PSMD2: variants seen among roughly 807,000 people sequenced by gnomAD.
PSMD2 encodes the protein proteasome 26S subunit ubiquitin receptor, non-ATPase 2.
PSMD2 carries 8 observed loss-of-function variants against 101.5 expected under a neutral mutation model. That is an observed-to-expected ratio of 0.08 (90% CI 0.05 to 0.14). PSMD2 has a LOEUF of 0.14. Among genes scored for constraint, PSMD2 ranks in the 10% least tolerant of loss-of-function variants. The pLI, the probability that PSMD2 is intolerant of heterozygous loss-of-function variation, is 1.00. For missense variants in PSMD2, 784 were observed against 1,147.4 expected, an observed-to-expected ratio of 0.68 and a Z score of 4.58; for synonymous variants, 418 against 433.8, an observed-to-expected ratio of 0.96 and a Z score of 0.45.
chr3:184,301,755 G>T, intron 4 of PSMD2, 92 bp from the exon 5 acceptor site: 2 of 1,608,452 alleles, frequency 1.2e-6, no homozygotes, highest in Non-Finnish European at 1.7e-6. Flanking sequence ...GAGCATCAGT[G>T]TATTGAATTT....
At position 184,301,534 on chromosome 3, in the gene PSMD2, T is replaced by C. The variant is rs1577155722; in HGVS notation, c.358-3T>C. On this transcript the variant is annotated splice_region_variant and splice_polypyrimidine_tract_variant and intron_variant, in intron 3 of 20. Coordinates refer to ENST00000310118, the MANE Select transcript of PSMD2 (RefSeq NM_002808.5). ...TGACTTCAAAGAACTCTTTTCTTTA[T>C]AGCGTTTTGCTGCTGACATCATCTC... 8.1e-6 allele frequency: 13 copies of C among 1,613,504 alleles called. No individual in the cohort carries two copies. The East Asian group carries it at 2.9e-4, about 36-fold the overall frequency.
rs375681733 is a variant in PSMD2 at position 184,303,797 on chromosome 3, C to G, written c.1323+48C>G. ...CATGGGGACTTCCCCGTTCCATATTCTAGTGCCTAGCAGTGCCTCTCTTTC... is the reference window on the plus strand; with the variant it reads ...CATGGGGACTTCCCCGTTCCATATTGTAGTGCCTAGCAGTGCCTCTCTTTC... On this transcript the variant is annotated intron_variant, in intron 10 of 20. Coordinates refer to ENST00000310118, the MANE Select transcript of PSMD2 (RefSeq NM_002808.5). The G allele has an allele frequency of 8.7e-6, 14 of 1,605,110 alleles. No homozygotes were observed. The African/African-American group carries it at 1.7e-4, about 20-fold the overall frequency.
intron 3 of PSMD2, chr3:184,300,721 C>A: frequency 9.7e-7 from 1 of 1,030,432 alleles, no homozygotes; most frequent in Non-Finnish European, 1.2e-6. Flanking sequence ...TTTCTTCTAT[C>A]CCATATACAT....
At chr3:184,300,499 G>A (rs2108440281) in intron 3 of PSMD2, 55 bp downstream of exon 3, 2 of 1,577,194 alleles carry the variant, frequency 1.3e-6, no homozygotes, top group Middle Eastern at 1.7e-4. Flanking sequence ...TTTTTACCCA[G>A]ATCATGGGGG....
rs191485660 is a variant in PSMD2, at chr3:184,308,354, C to T, written c.2426-95C>T. 44 of 1,013,310 alleles carry T rather than the reference C, an allele frequency of 4.3e-5. No individual in the cohort carries two copies. Among genetic ancestry groups the T allele is most frequent in the South Asian group, 7.7e-5 (5 of 65,352 alleles). 62.8% of individuals were successfully genotyped at this position (1,013,310 alleles called of 1,614,324 possible). A position where few individuals can be genotyped will look rare whatever the true frequency, so the allele number is the denominator to read the frequency against. ...AGTGTGGATTCAGTCGTATGACTGA[C>T]GGGTTAAAGGGTCAGCGCTGAGGTG... is the stretch of plus-strand genomic sequence containing the variant. On this transcript the variant is annotated intron_variant, in intron 19 of 20. Coordinates refer to ENST00000310118, the MANE Select transcript of PSMD2 (RefSeq NM_002808.5). The surrounding 1 kb of genome is among the most constrained non-coding windows in gnomAD (Gnocchi z 6.0).
At position 184,306,430 on chromosome 3, in the gene PSMD2, A is replaced by AAAG; in HGVS notation, c.1887_1889dup (p.Lys629_Asp630insGlu). On this transcript the variant is annotated inframe_insertion, in exon 15 of 21. Coordinates refer to ENST00000310118, the MANE Select transcript of PSMD2 (RefSeq NM_002808.5). ...TGACTCCAAAGAGAAGGAGGAAGAC[A>AAAG]AAGACAAGAAGGAAAAGAAAGACAA... 2 of 1,614,224 alleles carry AAAG rather than the reference A, an allele frequency of 1.2e-6. No individual in the cohort carries two copies. The highest frequency in any genetic ancestry group is 1.7e-6 in the Non-Finnish European group (2 of 1,180,050).
In PSMD2 at chr3:184,300,631, G is replaced by A. The variant is rs1233789615; in HGVS notation, c.357+187G>A. ...GAAGGTCAGCTTCTCAGAAGACACT[G>A]TTTCTGTCATGTGTATTGGACTTTG... On this transcript the variant is annotated intron_variant, in intron 3 of 20. Transcript: ENST00000310118. The A allele has an allele frequency of 2.0e-5, 28 of 1,398,494 alleles. No homozygotes were observed. In the East Asian group the frequency reaches 7.1e-4, roughly 36 times the overall value. 86.6% of individuals were successfully genotyped at this position (1,398,494 alleles called of 1,614,324 possible).
chr3:184,303,880 C>T, intron 10 of PSMD2, 67 bp from the exon 11 acceptor site: 3 of 1,611,618 alleles, frequency 1.9e-6, no homozygotes, highest in Non-Finnish European at 2.5e-6. Context: ...CAGTGAGGCC[C>T]ATGTTGCATC....
chr3:184,300,179 C>T, intron 2 of PSMD2, 101 bp from the exon 3 acceptor site: 2 of 1,237,480 alleles, frequency 1.6e-6, no homozygotes, highest in Non-Finnish European at 2.3e-6. Flanking sequence ...ATGAATAAGA[C>T]ACAGCATTTC....
chr3:184,304,260 T>C lies in PSMD2; in HGVS notation c.1452-44T>C. On this transcript the variant is annotated intron_variant, in intron 11 of 20. Transcript: ENST00000310118. The surrounding 1 kb of genome is among the most constrained non-coding windows in gnomAD (Gnocchi z 4.1). ...CTCCTTTTGTTCTTTTCTTGCTGCATCGTTGGGTATGTGTTGGGGACCGCC... is the reference window on the plus strand; with the variant it reads ...CTCCTTTTGTTCTTTTCTTGCTGCACCGTTGGGTATGTGTTGGGGACCGCC... The C allele has an allele frequency of 6.3e-7, 1 of 1,588,040 alleles. No homozygotes were observed. The highest frequency in any genetic ancestry group is 1.1e-5 in the South Asian group (1 of 90,578).
Position 184,301,906 on chromosome 3 carries a change from A to G in PSMD2, c.539A>G (p.Gln180Arg). 5 of 1,614,248 alleles carry G rather than the reference A, an allele frequency of 3.1e-6. No individual in the cohort carries two copies. Among genetic ancestry groups the G allele is most frequent in the Non-Finnish European group, 4.2e-6 (5 of 1,180,044 alleles). ...GAGCTGGATGACGCAGAGAAGGTCC[A>G]GCGGGAGCCTCTGCTCACTCTGGTG... ...WQELDDAEKV[Q>R]REPLLTLVKE... The change falls in exon 5 of 21, where the codon CAG (glutamine) becomes CGG (arginine). Residue 180 changes from glutamine (Q) to arginine (R), a missense_variant. By Grantham distance (43) the Gln-to-Arg change is conservative. Transcript: ENST00000310118.
In PSMD2 at chr3:184,302,435, G is replaced by A. The variant is rs1478479897; in HGVS notation, c.770G>A (p.Arg257Gln). 8 of 1,614,068 alleles carry A rather than the reference G, an allele frequency of 5.0e-6. No homozygotes were observed. The highest frequency in any genetic ancestry group is 1.3e-5 in the African/African-American group (1 of 74,920). The change falls in exon 6 of 21, where the codon CGA (arginine) becomes CAA (glutamine). Residue 257 changes from arginine to glutamine, a missense_variant. Transcript: ENST00000310118. ...ALLRCALGVF[R>Q]KFSRFPEALR... ...CTGCGTTGTGCCCTGGGTGTGTTCC[G>A]AAAGTTTAGCCGCTTCCCTGAAGCT...
chr3:184,303,700 G>C lies in PSMD2; in HGVS notation c.1274G>C (p.Gly425Ala). ...GMILLWDVDG[G>A]LTQIDKYLYS... ...ATTCTGCTGTGGGATGTGGATGGTGGCCTCACCCAGATTGACAAGTACCTG... is the reference window on the plus strand; with the variant it reads ...ATTCTGCTGTGGGATGTGGATGGTGCCCTCACCCAGATTGACAAGTACCTG... Residue 425 changes from glycine (G) to alanine (A), a missense_variant, in exon 10 of 21, where the codon GGC becomes GCC. Around this residue, in one of 6 missense-constraint regions of PSMD2, gnomAD observed 37 missense variants for 107.0 expected, o/e 0.35. Transcript: ENST00000310118. 1 of 1,614,196 alleles carries C rather than the reference G, an allele frequency of 6.2e-7. No homozygotes were observed. Among genetic ancestry groups the C allele is most frequent in the Non-Finnish European group, 8.5e-7 (1 of 1,180,030 alleles).
At position 184,307,659 on chromosome 3, in the gene PSMD2, A is replaced by G; in HGVS notation, c.2249A>G (p.Gln750Arg). Residue 750 changes from glutamine (Q) to arginine (R), a missense_variant, in exon 18 of 21, where the codon CAA becomes CGA. Around this residue, in one of 6 missense-constraint regions of PSMD2, gnomAD observed 282 missense variants for 437.6 expected, o/e 0.64. Transcript: ENST00000310118. ...GCTGCAATGCTGCGCCAGTTAGCTC[A>G]ATATCATGCCAAGGACCCAAACAAC... ...RLAAMLRQLA[Q>R]YHAKDPNNLF... 6.2e-7 allele frequency: 1 copy of G among 1,614,154 alleles called. No individual in the cohort carries two copies. Among genetic ancestry groups the G allele is most frequent in the Non-Finnish European group, 8.5e-7 (1 of 1,180,024 alleles).
intron 12 of PSMD2, among the ~76,000 whole-genome samples, chr3:184,305,484 T>A (rs1721800274): frequency 8.5e-6 from 1 of 118,060 alleles, no homozygotes. Context: ...CGAGACTCTG[T>A]CTCAAAAAAA....
In PSMD2 at chr3:184,308,134, T is replaced by C. The variant is rs1481909578; in HGVS notation, c.2425+118T>C. On this transcript the variant is annotated intron_variant, in intron 19 of 20. Transcript: ENST00000310118. This position sits in a 1 kb window ranked among gnomAD's most constrained non-coding sequence, Gnocchi z 6.0. ...AGTTTAGCTCTGTATCGCTCTAGGTTTCTGAGACAGGCTTTGGGCCTGTGA... is the reference window on the plus strand; with the variant it reads ...AGTTTAGCTCTGTATCGCTCTAGGTCTCTGAGACAGGCTTTGGGCCTGTGA... 7.5e-7 allele frequency: 1 copy of C among 1,341,580 alleles called. No homozygotes were observed. The highest frequency in any genetic ancestry group is 1.0e-6 in the Non-Finnish European group (1 of 991,452). 83.1% of individuals were successfully genotyped at this position (1,341,580 alleles called of 1,614,324 possible). A position where few individuals can be genotyped will look rare whatever the true frequency, so the allele number is the denominator to read the frequency against.
chr3:184,303,606 G>A (rs767136884), intron 9 of PSMD2, 37 bp from the exon 10 acceptor site: 1 of 1,612,924 alleles, frequency 6.2e-7, no homozygotes, highest in Non-Finnish European at 8.5e-7. Flanking sequence ...CTCAGGATAG[G>A]GCCATTTTAA....
rs1249783463 is a variant in PSMD2, at chr3:184,303,477, G to C, written c.1216+11G>C. ...AGAACAAGGACCACGGTATAATTCT[G>C]TTCCTGCTTTGTCTTTTGTTTTGCT... On this transcript the variant is annotated intron_variant, in intron 9 of 20. Transcript: ENST00000310118. The C allele has an allele frequency of 5.6e-6, 9 of 1,612,686 alleles. No individual in the cohort carries two copies. The highest frequency in any genetic ancestry group is 7.6e-6 in the Non-Finnish European group (9 of 1,179,370).
At position 184,304,261 on chromosome 3, in the gene PSMD2, C is replaced by T. The variant is rs1007471586; in HGVS notation, c.1452-43C>T. The T allele has an allele frequency of 7.6e-6, 12 of 1,587,830 alleles. No homozygotes were observed. Among genetic ancestry groups the T allele is most frequent in the Admixed American group, 1.7e-5 (1 of 59,974 alleles). On this transcript the variant is annotated intron_variant, in intron 11 of 20. Coordinates refer to ENST00000310118, the MANE Select transcript of PSMD2 (RefSeq NM_002808.5). The surrounding 1 kb of genome is among the most constrained non-coding windows in gnomAD (Gnocchi z 4.1). ...TCCTTTTGTTCTTTTCTTGCTGCAT[C>T]GTTGGGTATGTGTTGGGGACCGCCT...
Sources: gnomAD v4.1 joint callset for allele counts (sites outside exome capture counted in the v4.1 genomes callset) on GRCh38, gnomAD v4.1.1 for gene constraint, gnomAD v4.1.1 regional missense constraint, Gnocchi (gnomAD v3.1) non-coding constraint, MANE v1.5 for transcripts, NCBI Gene and HGNC (gene_info 2026-07-23, HGNC 2026-07-21) for gene names.